The following EPB41L3 variants were observed in gnomAD, a reference collection of about 807,000 sequenced individuals.
EPB41L3 encodes erythrocyte membrane protein band 4.1 like 3.
Under a neutral mutation model 127.1 loss-of-function variants are expected in EPB41L3, and 57 were observed. That is an observed-to-expected ratio of 0.45 (90% CI 0.36 to 0.56). The LOEUF is 0.56. Among genes scored for constraint, EPB41L3 ranks in the 20% least tolerant of loss-of-function variants. The pLI, the probability that EPB41L3 is intolerant of heterozygous loss-of-function variation, is 0.00. For synonymous variants in EPB41L3, 572 were observed against 549.5 expected, an observed-to-expected ratio of 1.04 and a Z score of -0.57; for missense variants, 1,273 against 1,372.2, an observed-to-expected ratio of 0.93 and a Z score of 1.14.
chr18:5,589,606 C>T (rs1301200161), intron 3 of EPB41L3, among the ~76,000 whole-genome samples: 23 of 152,144 alleles, frequency 1.5e-4, no homozygotes, highest in Non-Finnish European at 7.3e-5. Flanking sequence ...GAAGAGAAAC[C>T]TTTCCATTGT....
At chr18:5,586,659 C>G (rs2094445120) in intron 3 of EPB41L3, among the ~76,000 whole-genome samples, 1 of 151,376 alleles carries the variant, frequency 6.6e-6, no homozygotes, top group African/African-American at 2.4e-5. Flanking sequence ...GGCTCAGCCT[C>G]CTGAATTGCT....
chr18:5,517,512 C>T (rs56303565), intron 1 of EPB41L3, among the ~76,000 whole-genome samples: 3,241 of 152,214 alleles, frequency 0.021, 109 homozygotes, highest in African/African-American at 0.067. Flanking sequence ...TCTTGGCTCA[C>T]GGCAACCTCT....
At chr18:5,474,924 T>A (rs2147791021) in intron 3 of EPB41L3, among the ~76,000 whole-genome samples, 1 of 152,348 alleles carries the variant, frequency 6.6e-6, no homozygotes, top group East Asian at 1.9e-4. Flanking sequence ...CATCACAAGG[T>A]TGACAGCGAT....
chr18:5,474,897 C>A (rs1214904714), intron 3 of EPB41L3, among the ~76,000 whole-genome samples: 2 of 152,164 alleles, frequency 1.3e-5, no homozygotes, highest in African/African-American at 4.8e-5. Flanking sequence ...GGGAACCCTC[C>A]CAGGCAGTGC....
At chr18:5,611,997 A>G (rs1449801949) in intron 3 of EPB41L3, among the ~76,000 whole-genome samples, 1 of 152,156 alleles carries the variant, frequency 6.6e-6, no homozygotes, top group East Asian at 1.9e-4. Flanking sequence ...TCAATCCATA[A>G]AAATATATAC....
intron 2 of EPB41L3, among the ~76,000 whole-genome samples, chr18:5,612,970 A>G (rs535066974): frequency 3.3e-5 from 5 of 152,090 alleles, no homozygotes; most frequent in Non-Finnish European, 5.9e-5. Flanking sequence ...CAAACTCATG[A>G]CCTCAGGTGA....
intron 5 of EPB41L3, among the ~76,000 whole-genome samples, chr18:5,442,093 C>A (rs1195388167): frequency 6.6e-6 from 1 of 152,102 alleles, no homozygotes; most frequent in Non-Finnish European, 1.5e-5. Context: ...TTAATCAGCT[C>A]AGTATTCCAT....
chr18:5,409,244 A>G (rs957946659), intron 14 of EPB41L3, among the ~76,000 whole-genome samples: 1 of 152,194 alleles, frequency 6.6e-6, no homozygotes, highest in African/African-American at 2.4e-5. Flanking sequence ...CCTATGTTAT[A>G]GGTACTCCCT....
In EPB41L3 at chr18:5,469,773, ATT is replaced by A. The variant is rs534492142; in HGVS notation, c.381+8466_381+8467del. Among the ~76,000 whole-genome samples the A allele has an allele frequency of 4.0e-3, 551 of 139,022 alleles. 1 individual carries two copies. The highest frequency in any genetic ancestry group is 0.011 in the African/African-American group (390 of 37,072). 91.2% of individuals were successfully genotyped at this position (139,022 alleles called of 152,430 possible). A position where few individuals can be genotyped will look rare whatever the true frequency, so the allele number is the denominator to read the frequency against. On this transcript the variant is annotated intron_variant, in intron 3 of 22. Coordinates refer to ENST00000341928, the MANE Select transcript of EPB41L3 (RefSeq NM_012307.5). The stretch of plus-strand genomic sequence containing the variant: ...CGTTCCTTCTGCTGTTGTAGAATGA[ATT>A]TTTTTTTTTTTTTTTTGAGATGGAG...
chr18:5,536,032 G>A (rs191977557), intron 1 of EPB41L3, among the ~76,000 whole-genome samples: 14 of 152,200 alleles, frequency 9.2e-5, no homozygotes, highest in African/African-American at 2.2e-4. Context: ...GCTGTCCCTC[G>A]AGGCATGCCA....
At chr18:5,406,724 G>T in intron 16 of EPB41L3, 53 bp downstream of exon 16, 1 of 1,506,424 alleles carries the variant, frequency 6.6e-7, no homozygotes, top group Non-Finnish European at 9.1e-7. Flanking sequence ...ACCCTGTAGA[G>T]AAGGAAGGCG....
chr18:5,551,544 T>G (rs1263205494), intron 3 of EPB41L3, among the ~76,000 whole-genome samples: 1 of 151,980 alleles, frequency 6.6e-6, no homozygotes, highest in Non-Finnish European at 1.5e-5. Flanking sequence ...GGGCAATATA[T>G]TGAGACCCCA....
At chr18:5,530,835 G>A (rs926470844) in intron 1 of EPB41L3, among the ~76,000 whole-genome samples, 5 of 152,150 alleles carry the variant, frequency 3.3e-5, no homozygotes, top group Non-Finnish European at 5.9e-5. Context: ...CACTTGGGAG[G>A]CAACAATTAA....
At chr18:5,395,795 T>C (rs2073329237) in intron 19 of EPB41L3, 88 bp from the exon 20 acceptor site, 1 of 939,386 alleles carries the variant, frequency 1.1e-6, no homozygotes, top group African/African-American at 1.6e-5. Context: ...ATTACGACAA[T>C]TTCACTATCT....
chr18:5,561,194 G>GTC (rs2094129739), intron 3 of EPB41L3, among the ~76,000 whole-genome samples: 1 of 151,862 alleles, frequency 6.6e-6, no homozygotes. Flanking sequence ...AGCCAGGATG[G>GTC]TCAAGATCTC....
At chr18:5,544,620 A>G (rs1253146347), upstream of EPB41L3, among the ~76,000 whole-genome samples, 1 of 152,236 alleles carries the variant, frequency 6.6e-6, no homozygotes, top group African/African-American at 2.4e-5. Context: ...TGTAAGTGAA[A>G]GAAGTAACTC....
At chr18:5,488,747 T>C in intron 2 of EPB41L3, 1 of 435,568 alleles carries the variant, frequency 2.3e-6, no homozygotes, top group Non-Finnish European at 4.0e-6. Flanking sequence ...TAAATCCAGA[T>C]AGGACCAATA....
At chr18:5,602,963 A>G (rs1421985520) in intron 3 of EPB41L3, among the ~76,000 whole-genome samples, 3 of 152,130 alleles carry the variant, frequency 2.0e-5, no homozygotes, top group African/African-American at 7.2e-5. Flanking sequence ...ATTGTTTTTC[A>G]TTTTGCTGAC....
rs1056780119 is a variant in EPB41L3 at position 5,397,634 on chromosome 18, C to A, written c.2473-208G>T. On this transcript the variant is annotated intron_variant, in intron 17 of 22. Coordinates refer to ENST00000341928, the MANE Select transcript of EPB41L3 (RefSeq NM_012307.5). This position sits in a 1 kb window ranked among gnomAD's most constrained non-coding sequence, Gnocchi z 4.1. ...CCCCTGGTGCATGCACTTGAACCTG[C>A]GCTGCTGCTTCAGGACATCCGCAAA... 6.6e-6 allele frequency among the ~76,000 whole-genome samples: 1 copy of A among 152,138 alleles called. No homozygotes were observed. The highest frequency in any genetic ancestry group is 1.5e-5 in the Non-Finnish European group (1 of 68,024).
Sources: allele counts gnomAD v4.1 joint callset (sites outside exome capture counted in the v4.1 genomes callset), GRCh38; gene constraint gnomAD v4.1.1; non-coding constraint Gnocchi (gnomAD v3.1); transcripts MANE v1.5; gene names NCBI Gene and HGNC (gene_info 2026-07-23, HGNC 2026-07-21).